AK8: variants seen among roughly 807,000 people sequenced by gnomAD.
The protein encoded by AK8 is ATP-AMP transphosphorylase 8.
In AK8, 44 loss-of-function variants were observed where a neutral mutation model predicts 54.6. That is an observed-to-expected ratio of 0.81 (90% CI 0.63 to 1.04). AK8 has a LOEUF of 1.04. AK8 is among the 50% of genes least tolerant of loss of function. The probability of loss-of-function intolerance (pLI) is 0.00; values close to 1 mark genes in which losing one functional copy is unlikely to be tolerated. For synonymous variants in AK8, 239 were observed against 245.6 expected (o/e 0.97, Z 0.25); for missense variants, 555 against 613.6 (o/e 0.90, Z 1.01).
At chr9:132,756,784 C>A (rs1400668047) in intron 11 of AK8, among the ~76,000 whole-genome samples, 1 of 152,098 alleles carries the variant, frequency 6.6e-6, no homozygotes, top group Non-Finnish European at 1.5e-5. Flanking sequence ...CATCATCCCC[C>A]CTTTAGAGAC....
intron 8 of AK8, among the ~76,000 whole-genome samples, chr9:132,825,630 G>A (rs912301374): frequency 6.6e-6 from 1 of 152,118 alleles, no homozygotes; most frequent in Admixed American, 6.5e-5. Flanking sequence ...TTCAGAGGGC[G>A]AGGCTGTTCA....
chr9:132,728,117 C>T (rs1234175531), intron 11 of AK8, among the ~76,000 whole-genome samples: 1 of 152,234 alleles, frequency 6.6e-6, no homozygotes. Flanking sequence ...CAAACCCAGG[C>T]TGACTCTCGT....
chr9:132,777,244 A>T (rs1404381309), intron 11 of AK8, among the ~76,000 whole-genome samples: 1 of 152,166 alleles, frequency 6.6e-6, no homozygotes, highest in Admixed American at 6.5e-5. Context: ...TCAAAATATT[A>T]GGAATAAATA....
At chr9:132,850,896 T>TC (rs1842946964) in intron 5 of AK8, among the ~76,000 whole-genome samples, 1 of 128,466 alleles carries the variant, frequency 7.8e-6, no homozygotes, top group Admixed American at 8.0e-5. Context: ...GTAGGTGCAT[T>TC]TAAAAAAAAA....
At chr9:132,859,059 G>C (rs1166894514) in intron 4 of AK8, among the ~76,000 whole-genome samples, 1 of 152,190 alleles carries the variant, frequency 6.6e-6, no homozygotes, top group Non-Finnish European at 1.5e-5. Flanking sequence ...GAGAGACTGA[G>C]GGCATTCCCA....
intron 5 of AK8, among the ~76,000 whole-genome samples, chr9:132,840,696 C>G (rs932543618): frequency 6.6e-6 from 1 of 152,080 alleles, no homozygotes; most frequent in Non-Finnish European, 1.5e-5. Flanking sequence ...AGATCGAGAC[C>G]AGCCTGGCTA....
chr9:132,771,963 C>A (rs74725206), intron 11 of AK8, among the ~76,000 whole-genome samples: 10 of 152,080 alleles, frequency 6.6e-5, no homozygotes, highest in African/African-American at 1.4e-4. Flanking sequence ...GCAGGCAAAG[C>A]GAGAGAACTT....
At chr9:132,866,789 A>C in intron 3 of AK8, 115 bp downstream of exon 3, 2 of 1,019,968 alleles carry the variant, frequency 2.0e-6, no homozygotes, top group Non-Finnish European at 3.0e-6. Context: ...AAGGAGGAGA[A>C]GGAAAAGAAG....
intron 5 of AK8, among the ~76,000 whole-genome samples, chr9:132,852,285 C>A (rs1368711936): frequency 1.3e-5 from 2 of 152,020 alleles, no homozygotes; most frequent in African/African-American, 4.8e-5. Flanking sequence ...TCCAGCCTGG[C>A]CAACATGGTG....
At chr9:132,848,568 G>C (rs1241961929) in intron 5 of AK8, among the ~76,000 whole-genome samples, 1 of 152,160 alleles carries the variant, frequency 6.6e-6, no homozygotes, top group Non-Finnish European at 1.5e-5. Flanking sequence ...CCCTTCACTA[G>C]AGGCTTCAGG....
At position 132,759,023 on chromosome 9, in the gene AK8, C is replaced by G. The variant is rs573774364; in HGVS notation, c.1122-31489G>C. 4.0e-5 allele frequency among the ~76,000 whole-genome samples: 6 copies of G among 151,660 alleles called. No individual in the cohort carries two copies. The South Asian group carries it at 1.3e-3, about 32-fold the overall frequency. Reference sequence around the variant, plus strand: ...GACCAGGCTTGGCAAAACGGCAAAACCCTGTCTCTACAAAAAAATACAAAA... The same window carrying G: ...GACCAGGCTTGGCAAAACGGCAAAAGCCTGTCTCTACAAAAAAATACAAAA... On this transcript the variant is annotated intron_variant, in intron 11 of 12. Coordinates refer to ENST00000298545, the MANE Select transcript of AK8 (RefSeq NM_152572.3).
At chr9:132,743,372 G>A (rs531687045) in intron 11 of AK8, among the ~76,000 whole-genome samples, 1 of 152,204 alleles carries the variant, frequency 6.6e-6, no homozygotes, top group Admixed American at 6.5e-5. Flanking sequence ...GTGGAGACAC[G>A]GGTAGGTGTG....
At position 132,803,329 on chromosome 9, in the gene AK8, C is replaced by T. The variant is rs897977569; in HGVS notation, c.980-10554G>A. The stretch of plus-strand genomic sequence containing the variant: ...TGGAGCTTTGTCAGTTCCCAGTTAC[C>T]GCAGGGACTAGGTCCCCAAAGCTGG... On this transcript the variant is annotated intron_variant, in intron 10 of 12. Transcript: ENST00000298545. The surrounding 1 kb of genome is among the most constrained non-coding windows in gnomAD (Gnocchi z 4.4). 2.6e-5 allele frequency among the ~76,000 whole-genome samples: 4 copies of T among 152,048 alleles called. No individual in the cohort carries two copies. The highest frequency in any genetic ancestry group is 2.1e-4 in the South Asian group (1 of 4,826).
At chr9:132,851,606 A>G (rs1369713041) in intron 5 of AK8, among the ~76,000 whole-genome samples, 2 of 152,376 alleles carry the variant, frequency 1.3e-5, no homozygotes, top group Non-Finnish European at 2.9e-5. Flanking sequence ...ACACTGAGAC[A>G]TGAACTGTGG....
At chr9:132,756,981 G>A (rs1838215809) in intron 11 of AK8, among the ~76,000 whole-genome samples, 2 of 152,108 alleles carry the variant, frequency 1.3e-5, no homozygotes. Flanking sequence ...AATGTTTATT[G>A]CCTCTCTATC....
At chr9:132,746,582 G>A (rs1590187529) in intron 11 of AK8, among the ~76,000 whole-genome samples, 2 of 152,208 alleles carry the variant, frequency 1.3e-5, no homozygotes, top group East Asian at 1.9e-4. Context: ...TAGAGATTCC[G>A]ACTTGCGCAA....
At chr9:132,782,130 G>A (rs1839502272) in intron 11 of AK8, among the ~76,000 whole-genome samples, 1 of 152,146 alleles carries the variant, frequency 6.6e-6, no homozygotes, top group Non-Finnish European at 1.5e-5. Flanking sequence ...GTGGTGAACG[G>A]AAGAGTGTTT....
intron 5 of AK8, among the ~76,000 whole-genome samples, chr9:132,839,825 G>C (rs966128439): frequency 2.0e-5 from 3 of 147,530 alleles, no homozygotes; most frequent in African/African-American, 5.1e-5. Flanking sequence ...TTTGCCGGGG[G>C]GGGGGGCGCA....
rs11243893 is a variant in AK8 at position 132,727,614 on chromosome 9, A to G, written c.1122-80T>C. 1,276 of 1,361,280 alleles carry G rather than the reference A, an allele frequency of 9.4e-4. 24 individuals are homozygous for G. In the East Asian group the frequency reaches 0.026, roughly 28 times the overall value. The allele number at this position is 1,361,280 out of a possible 1,614,324, so 84.3% of individuals were successfully genotyped here. A position where few individuals can be genotyped will look rare whatever the true frequency, so the allele number is the denominator to read the frequency against. ...GCTGTGACATCCTGGGGTCTTGAGA[A>G]TCCTGGAGAGACTGCTCCTCCCAGG... On this transcript the variant is annotated intron_variant, in intron 11 of 12. Coordinates refer to ENST00000298545, the MANE Select transcript of AK8 (RefSeq NM_152572.3).
Sources: allele counts gnomAD v4.1 joint callset (sites outside exome capture counted in the v4.1 genomes callset), GRCh38; gene constraint gnomAD v4.1.1; non-coding constraint Gnocchi (gnomAD v3.1); transcripts MANE v1.5; gene names NCBI Gene and HGNC (gene_info 2026-07-23, HGNC 2026-07-21).